The following CSMD1 variants were observed in gnomAD, a reference collection of about 807,000 sequenced individuals.
The protein encoded by CSMD1 is CUB and sushi domain-containing protein 1.
A neutral mutation model predicts 417.5 loss-of-function variants in CSMD1; 213 were observed. The ratio of observed to expected loss-of-function variants is 0.51; its 90% CI spans 0.46 to 0.57. The LOEUF is 0.57. CSMD1 is among the 20% of genes least tolerant of loss of function. The probability of loss-of-function intolerance (pLI) is 0.00; values close to 1 mark genes in which losing one functional copy is unlikely to be tolerated. For missense variants in CSMD1, 6,923 were observed against 4,529.7 expected, an observed-to-expected ratio of 1.53 and a Z score of -15.17; for synonymous variants, 2,862 against 1,736.8, an observed-to-expected ratio of 1.65 and a Z score of -16.11.
At chr8:4,048,370 C>T (rs188188185) in intron 3 of CSMD1, among the ~76,000 whole-genome samples, 2 of 152,274 alleles carry the variant, frequency 1.3e-5, no homozygotes, top group East Asian at 1.9e-4. Context: ...ATAACAACAG[C>T]TAACACAGAC....
At chr8:4,668,332 T>C (rs942073222) in intron 1 of CSMD1, among the ~76,000 whole-genome samples, 2 of 151,756 alleles carry the variant, frequency 1.3e-5, no homozygotes, top group Admixed American at 6.6e-5. Context: ...AGCACTGTCA[T>C]TGGTAGGGGT....
chr8:4,980,894 A>G (rs988077931), intron 1 of CSMD1, among the ~76,000 whole-genome samples: 3 of 150,470 alleles, frequency 2.0e-5, no homozygotes, highest in Non-Finnish European at 4.4e-5. Flanking sequence ...ACAAAGTGAG[A>G]CTGTCTCGAA....
At chr8:3,430,899 G>A (rs900108270) in intron 12 of CSMD1, among the ~76,000 whole-genome samples, 3 of 152,158 alleles carry the variant, frequency 2.0e-5, no homozygotes, top group Admixed American at 1.3e-4. Context: ...AATAATTGAA[G>A]AAAATTGGAT....
intron 1 of CSMD1, among the ~76,000 whole-genome samples, chr8:4,830,686 T>G (rs948886018): frequency 2.6e-5 from 4 of 152,232 alleles, no homozygotes; most frequent in African/African-American, 9.6e-5. Context: ...TGCCAACTAA[T>G]GCCAATGGCA....
At chr8:4,072,380 T>C (rs777242398) in intron 3 of CSMD1, among the ~76,000 whole-genome samples, 9 of 152,192 alleles carry the variant, frequency 5.9e-5, no homozygotes, top group Non-Finnish European at 1.2e-4. Context: ...TACCTGCCTT[T>C]AGTTTACTGC....
chr8:3,650,145 G>C (rs1443209688), intron 7 of CSMD1, among the ~76,000 whole-genome samples: 2 of 152,062 alleles, frequency 1.3e-5, no homozygotes, highest in Non-Finnish European at 2.9e-5. Context: ...CAGGCATGGT[G>C]GTGGGTGTCT....
At chr8:4,169,251 G>C (rs868719644) in intron 3 of CSMD1, among the ~76,000 whole-genome samples, 19 of 152,112 alleles carry the variant, frequency 1.2e-4, no homozygotes, top group Non-Finnish European at 2.5e-4. Context: ...ACTGCACACA[G>C]ATGTCTGATG....
chr8:3,119,053 G>A (rs374887505), intron 41 of CSMD1, among the ~76,000 whole-genome samples: 3 of 152,028 alleles, frequency 2.0e-5, no homozygotes, highest in East Asian at 1.9e-4. Flanking sequence ...GGTGGCGGGC[G>A]CCTGTAGTCC....
chr8:4,225,536 ATTT>A (rs1801297149), intron 3 of CSMD1, among the ~76,000 whole-genome samples: 2 of 132,308 alleles, frequency 1.5e-5, no homozygotes, highest in African/African-American at 5.7e-5. Flanking sequence ...TTTTGCCTCT[ATTT>A]TTTCTTCTTC....
chr8:3,433,086 T>C (rs1384893806), intron 12 of CSMD1, among the ~76,000 whole-genome samples: 1 of 152,218 alleles, frequency 6.6e-6, no homozygotes, highest in Non-Finnish European at 1.5e-5. Context: ...AAAGTTATAA[T>C]CCAAGAAATA....
At chr8:4,604,410 T>TGTGTGCGCGCGC (rs59349269) in intron 2 of CSMD1, among the ~76,000 whole-genome samples, 5 of 146,152 alleles carry the variant, frequency 3.4e-5, no homozygotes, top group Admixed American at 6.9e-5. Context: ...TGTGTGTGTG[T>TGTGTGCGCGCGC]GCGCGTGCGT....
intron 10 of CSMD1, among the ~76,000 whole-genome samples, chr8:3,504,440 T>C (rs1371538955): frequency 1.3e-5 from 2 of 152,176 alleles, no homozygotes; most frequent in African/African-American, 2.4e-5. Flanking sequence ...AAGCAAGGTG[T>C]GTACTTCTTC....
rs1049694788 is a variant in CSMD1 at position 4,960,870 on chromosome 8, T to A, written c.85+33462A>T. ...AAGTTATATAATAATAAAATGTTTA[T>A]TTTTAAAAGATTCCTCAACTCCTGA... On this transcript the variant is annotated intron_variant, in intron 1 of 69. Coordinates refer to ENST00000635120, the MANE Select transcript of CSMD1 (RefSeq NM_033225.6). 3.3e-5 allele frequency among the ~76,000 whole-genome samples: 5 copies of A among 152,164 alleles called. No homozygotes were observed. The South Asian group carries it at 8.3e-4, about 25-fold the overall frequency.
chr8:4,680,992 G>C (rs563329144), intron 1 of CSMD1, among the ~76,000 whole-genome samples: 25 of 151,674 alleles, frequency 1.6e-4, no homozygotes, highest in Non-Finnish European at 3.4e-4. Flanking sequence ...GAGAGAGAGA[G>C]AGAGAGAGAG....
chr8:4,590,331 G>A (rs17416613), intron 2 of CSMD1, among the ~76,000 whole-genome samples: 5,331 of 152,148 alleles, frequency 0.035, 142 homozygotes, highest in Non-Finnish European at 0.051. Context: ...GAAAACAAAA[G>A]TCACATCCAG....
chr8:4,548,733 A>G (rs1240324702), intron 2 of CSMD1, among the ~76,000 whole-genome samples: 3 of 152,126 alleles, frequency 2.0e-5, no homozygotes, highest in Admixed American at 1.3e-4. Context: ...TGTCAAGGTA[A>G]TTACAGAACC....
intron 1 of CSMD1, among the ~76,000 whole-genome samples, chr8:4,729,759 T>A (rs1809724168): frequency 6.6e-6 from 1 of 152,188 alleles, no homozygotes; most frequent in South Asian, 2.1e-4. Flanking sequence ...AAGGATCTCA[T>A]AAACAACTTA....
intron 1 of CSMD1, among the ~76,000 whole-genome samples, chr8:4,774,850 G>C (rs896704333): frequency 6.6e-6 from 1 of 152,094 alleles, no homozygotes; most frequent in Non-Finnish European, 1.5e-5. Flanking sequence ...GTGAAGTGTT[G>C]ATTCCTTGTT....
At chr8:4,434,043 A>G (rs1798014907) in intron 2 of CSMD1, among the ~76,000 whole-genome samples, 2 of 152,166 alleles carry the variant, frequency 1.3e-5, no homozygotes, top group African/African-American at 4.8e-5. Context: ...AATTTTAAAT[A>G]TCTGGATCTA....
Sources: allele counts gnomAD v4.1 joint callset (sites outside exome capture counted in the v4.1 genomes callset), GRCh38; gene constraint gnomAD v4.1.1; transcripts MANE v1.5; gene names NCBI Gene and HGNC (gene_info 2026-07-23, HGNC 2026-07-21).